Variants in TLN1 observed in about 807,000 individuals in gnomAD.
TLN1 encodes the protein talin 1.
In TLN1, 56 loss-of-function variants were observed where a neutral mutation model predicts 292.3. The ratio of observed to expected loss-of-function variants is 0.19; its 90% CI spans 0.15 to 0.24. TLN1 has a LOEUF of 0.24. Ranked by LOEUF, TLN1 falls within the 10% of genes least tolerant of loss-of-function variation. The pLI, the probability that TLN1 is intolerant of heterozygous loss-of-function variation, is 1.00. For synonymous variants in TLN1, 1,119 were observed against 1,253.7 expected (o/e 0.89, Z 2.27); for missense variants, 2,433 against 3,248.2 (o/e 0.75, Z 6.10).
At chr9:35,730,969 C>A (rs1345097667) in intron 1 of TLN1, among the ~76,000 whole-genome samples, 2 of 152,074 alleles carry the variant, frequency 1.3e-5, no homozygotes, top group Non-Finnish European at 2.9e-5. Context: ...TCCCTATTTC[C>A]CACCTATGTT....
chr9:35,719,451 C>G lies in TLN1; in HGVS notation c.1687+68G>C. On this transcript the variant is annotated intron_variant, in intron 15 of 56. Transcript: ENST00000314888. This position sits in a 1 kb window ranked among gnomAD's most constrained non-coding sequence, Gnocchi z 4.6. ...GCACAGTCACACATGAAGCCAGTCA[C>G]ATGCATGCCTGTGCACACTTGCACC... The G allele has an allele frequency of 6.9e-7, 1 of 1,446,474 alleles. No homozygotes were observed. Among genetic ancestry groups the G allele is most frequent in the Admixed American group, 1.7e-5 (1 of 59,752 alleles). The allele number at this position is 1,446,474 out of a possible 1,614,324, so 89.6% of individuals were successfully genotyped here.
At position 35,698,065 on chromosome 9, in the gene TLN1, C is replaced by T; in HGVS notation, c.7479G>A (p.Lys2493=). The T allele has an allele frequency of 3.1e-6, 5 of 1,614,190 alleles. No individual in the cohort carries two copies. The highest frequency in any genetic ancestry group is 4.2e-6 in the Non-Finnish European group (5 of 1,180,036). ...QENETVVVKE[K]MVGGIAQIIA... is the part of the protein sequence containing the mutation. The stretch of plus-strand genomic sequence containing the variant: ...TCACCTGGGCAATGCCGCCAACCAT[C>T]TTCTCTTTCACCACCACTGTCTCAT... Residue 2493 remains lysine, a synonymous_variant, in exon 56 of 57, where the codon AAG becomes AAA. Transcript: ENST00000314888. The surrounding 1 kb of genome is among the most constrained non-coding windows in gnomAD (Gnocchi z 5.3).
intron 8 of TLN1, 64 bp from the exon 9 acceptor site, chr9:35,722,287 G>C (rs888188588): frequency 2.0e-5 from 27 of 1,365,988 alleles, no homozygotes; most frequent in Non-Finnish European, 2.8e-5. Flanking sequence ...AATTAAGGTT[G>C]GATGCTAACT....
chr9:35,711,656 C>T lies in TLN1; in HGVS notation c.3818G>A (p.Arg1273Gln), dbSNP rs747462166. Reference sequence around the variant, plus strand: ...GAAGGTGCTGAAGTCCTGTCCAAATCGGCCTGAGGCTCGAGCCAGGTCCTG... The same window carrying T: ...GAAGGTGCTGAAGTCCTGTCCAAATTGGCCTGAGGCTCGAGCCAGGTCCTG... ...TPQDLARASG[R>Q]FGQDFSTFLE... Residue 1273 changes from arginine to glutamine, a missense_variant, in exon 29 of 57, where the codon CGA (arginine) becomes CAA (glutamine). By Grantham distance (43) the Arg-to-Gln change is conservative (BLOSUM62 1). Around this residue, in one of 7 missense-constraint regions of TLN1, gnomAD observed 1,384 missense variants for 1,699.6 expected, o/e 0.81. Coordinates refer to ENST00000314888, the MANE Select transcript of TLN1 (RefSeq NM_006289.4). 18 of 1,614,054 alleles carry T rather than the reference C, an allele frequency of 1.1e-5. No individual in the cohort carries two copies. The highest frequency in any genetic ancestry group is 1.7e-4 in the Middle Eastern group (1 of 6,060).
Position 35,719,713 on chromosome 9 carries a change from C to T in TLN1, c.1578+27G>A, listed in dbSNP as rs1825847773. 1.2e-6 allele frequency: 2 copies of T among 1,610,116 alleles called. No homozygotes were observed. The highest frequency in any genetic ancestry group is 1.3e-5 in the African/African-American group (1 of 74,858). ...CCTTGGAGTCTCAGCTTCAGTACCA[C>T]CGGCCTCTCCTCCATCCCATACTTA... On this transcript the variant is annotated intron_variant, in intron 14 of 56. Transcript: ENST00000314888. This position sits in a 1 kb window ranked among gnomAD's most constrained non-coding sequence, Gnocchi z 4.6.
At chr9:35,723,182 A>G (rs993046889) in intron 7 of TLN1, 10 of 295,636 alleles carry the variant, frequency 3.4e-5, no homozygotes, top group African/African-American at 2.2e-4. Context: ...GCTCACCAAA[A>G]CCTCCACCTC....
intron 3 of TLN1, 70 bp from the exon 4 acceptor site, chr9:35,725,029 C>T (rs572491530): frequency 5.6e-6 from 9 of 1,605,438 alleles, no homozygotes; most frequent in East Asian, 4.5e-5. Context: ...TTACACAGCC[C>T]GAGGGGAGAG....
rs1324147886 is a variant in TLN1, at chr9:35,716,371, T to C, written c.2625+19A>G. ...CCCTCTAGGGTCCAGTCTGGGAGTG[T>C]GCACAGAAGGCTTTGTACCTTGGCA... On this transcript the variant is annotated intron_variant, in intron 20 of 56. Transcript: ENST00000314888. The C allele has an allele frequency of 6.2e-7, 1 of 1,613,842 alleles. No homozygotes were observed.
Position 35,712,947 on chromosome 9 carries a change from A to G in TLN1, c.3449T>C (p.Ile1150Thr). Reference protein sequence around the residue: ...ALTSDPAVQAIVLDTASDVLD... With the variant: ...ALTSDPAVQATVLDTASDVLD... ...CACATCACTGGCCGTATCAAGTACAATGGCCTGCACTGCAGGATCTGACGT... is the reference window on the plus strand; with the variant it reads ...CACATCACTGGCCGTATCAAGTACAGTGGCCTGCACTGCAGGATCTGACGT... Residue 1150 changes from isoleucine to threonine, a missense_variant, in exon 27 of 57, where the codon ATT (isoleucine) becomes ACT (threonine). By Grantham distance (89) the Ile-to-Thr change is moderately conservative (BLOSUM62 -1). Transcript: ENST00000314888. 1.9e-6 allele frequency: 3 copies of G among 1,610,400 alleles called. No homozygotes were observed. Among genetic ancestry groups the G allele is most frequent in the Non-Finnish European group, 2.5e-6 (3 of 1,178,658 alleles).
intron 20 of TLN1, 125 bp downstream of exon 20, chr9:35,716,265 C>A: frequency 9.2e-7 from 1 of 1,090,712 alleles, no homozygotes; most frequent in Non-Finnish European, 1.3e-6. Flanking sequence ...CCTGAGTGCT[C>A]CTATATTTGT....
At position 35,705,989 on chromosome 9, in the gene TLN1, C is replaced by T. The variant is rs1420207587; in HGVS notation, c.5484G>A (p.Val1828=). ...GGTTGATGGCCTGGGTGATGGAGTC[C>T]ACCATGCCACCCACGACCCCAGCAG... ...ASAAGVVGGM[V]DSITQAINQL... Residue 1828 remains valine, a synonymous_variant, in exon 41 of 57, where the codon GTG becomes GTA. Coordinates refer to ENST00000314888, the MANE Select transcript of TLN1 (RefSeq NM_006289.4). The T allele has an allele frequency of 1.9e-6, 3 of 1,614,188 alleles. No individual in the cohort carries two copies. The Admixed American group carries it at 5.0e-5, about 27-fold the overall frequency.
In TLN1 at chr9:35,707,582, T is replaced by A; in HGVS notation, c.4633-94A>T. ...GTCTCCTTCCTGGGACTTACAGGAT[T>A]TGGGGAGAGGCTAGGTGGTCAGTCT... On this transcript the variant is annotated intron_variant, in intron 35 of 56. Coordinates refer to ENST00000314888, the MANE Select transcript of TLN1 (RefSeq NM_006289.4). The surrounding 1 kb of genome is among the most constrained non-coding windows in gnomAD (Gnocchi z 5.6). 1.3e-6 allele frequency: 2 copies of A among 1,576,584 alleles called. No homozygotes were observed. Among genetic ancestry groups the A allele is most frequent in the South Asian group, 1.2e-5 (1 of 86,362 alleles).
chr9:35,727,831 C>T (rs1450219727), intron 1 of TLN1, among the ~76,000 whole-genome samples: 1 of 152,192 alleles, frequency 6.6e-6, no homozygotes, highest in African/African-American at 2.4e-5. Flanking sequence ...TCTGGTGAGA[C>T]CCCGATAAGG....
chr9:35,718,077 G>A (rs1349973544), intron 17 of TLN1, among the ~76,000 whole-genome samples: 1 of 152,202 alleles, frequency 6.6e-6, no homozygotes, highest in East Asian at 1.9e-4. Flanking sequence ...TGTTACAATG[G>A]GGTGGGGAGA....
Position 35,698,501 on chromosome 9 carries a change from C to T in TLN1, c.7193G>A (p.Arg2398Gln), listed in dbSNP as rs556571189. The T allele has an allele frequency of 3.1e-6, 5 of 1,613,826 alleles. No individual in the cohort carries two copies. Among genetic ancestry groups the T allele is most frequent in the Non-Finnish European group, 4.2e-6 (5 of 1,179,862 alleles). ...QWSQGLISAARMVAAATNNLC... is the reference protein window; with the variant it reads ...QWSQGLISAAQMVAAATNNLC... ...ATTGTTGGTGGCCGCAGCCACCATC[C>T]GGGCCTAAAGCAGGGAGAGTTTGCT... The change falls in exon 55 of 57, where the codon CGG (arginine) becomes CAG (glutamine). Residue 2398 changes from arginine to glutamine, a missense_variant. This residue lies in a region of TLN1 where 141 missense variants were observed against 248.5 expected (regional missense o/e 0.57). Transcript: ENST00000314888. The surrounding 1 kb of genome is among the most constrained non-coding windows in gnomAD (Gnocchi z 5.3).
rs954081417 is a variant in TLN1 at position 35,725,579 on chromosome 9, G to A, written c.116C>T (p.Ala39Val). 5 of 1,613,212 alleles carry A rather than the reference G, an allele frequency of 3.1e-6. No homozygotes were observed. Among genetic ancestry groups the A allele is most frequent in the Non-Finnish European group, 4.2e-6 (5 of 1,179,568 alleles). ...CRIIRERIPE[A>V]PAGPPSDFGL... ...GTCAGACTCACGAGGACCAGCTGGGGCCTCTGGGATCCGCTCACGAATGAT... is the reference window on the plus strand; with the variant it reads ...GTCAGACTCACGAGGACCAGCTGGGACCTCTGGGATCCGCTCACGAATGAT... Residue 39 changes from alanine to valine, a missense_variant, in exon 2 of 57, where the codon GCC (alanine) becomes GTC (valine). This residue lies in a region of TLN1 where 155 missense variants were observed against 287.9 expected (regional missense o/e 0.54). Transcript: ENST00000314888.
chr9:35,714,391 G>A lies in TLN1; in HGVS notation c.2986-18C>T. The A allele has an allele frequency of 1.2e-6, 2 of 1,600,390 alleles. No homozygotes were observed. Among genetic ancestry groups the A allele is most frequent in the Non-Finnish European group, 1.7e-6 (2 of 1,173,176 alleles). The stretch of plus-strand genomic sequence containing the variant: ...CCACCTGGCTGTTGGGGAATAGGCA[G>A]GTGGATGAAGTGTGCCATCCTCCCT... On this transcript the variant is annotated intron_variant, in intron 23 of 56. Transcript: ENST00000314888. This position sits in a 1 kb window ranked among gnomAD's most constrained non-coding sequence, Gnocchi z 4.6.
chr9:35,712,621 C>G (rs1825694420), intron 27 of TLN1, among the ~76,000 whole-genome samples: 1 of 145,108 alleles, frequency 6.9e-6, no homozygotes, highest in Non-Finnish European at 1.5e-5. Context: ...GCACTCCAGC[C>G]TGGGCAGTAA....
At chr9:35,722,998 G>C in intron 7 of TLN1, 77 bp from the exon 8 acceptor site, 1 of 1,313,132 alleles carries the variant, frequency 7.6e-7, no homozygotes, top group South Asian at 1.2e-5. Flanking sequence ...TGGGCCTGGG[G>C]GTATGAGGAA....
Sources: gnomAD v4.1 joint callset for allele counts (sites outside exome capture counted in the v4.1 genomes callset) on GRCh38, gnomAD v4.1.1 for gene constraint, gnomAD v4.1.1 regional missense constraint, Gnocchi (gnomAD v3.1) non-coding constraint, MANE v1.5 for transcripts, NCBI Gene and HGNC (gene_info 2026-07-23, HGNC 2026-07-21) for gene names.